C16orf92: variants seen among roughly 807,000 people sequenced by gnomAD.
The protein encoded by C16orf92 is fertilization-influencing membrane protein.
In C16orf92, 14 loss-of-function variants were observed where a neutral mutation model predicts 13.7. The ratio of observed to expected loss-of-function variants is 1.02; its 90% confidence interval spans 0.67 to 1.60. C16orf92 has a LOEUF of 1.60. C16orf92 is among the 40% of genes most tolerant of loss of function. C16orf92 has a pLI of 0.00. For missense variants in C16orf92, 116 were observed against 139.0 expected, an observed-to-expected ratio of 0.83 and a Z score of 0.83; for synonymous variants, 50 against 57.4, an observed-to-expected ratio of 0.87 and a Z score of 0.58.
downstream of C16orf92, chr16:30,024,908 CCCA>C: frequency 2.5e-6 from 1 of 403,202 alleles, no homozygotes; most frequent in Non-Finnish European, 4.4e-6. Context: ...GGTGTCCCTC[CCCA>C]CAAGCCCTCC....
chr16:30,025,295 G>C (rs1567294872), downstream of C16orf92: 7 of 1,554,300 alleles, frequency 4.5e-6, no homozygotes, highest in Non-Finnish European at 5.2e-6. This position sits in a 1 kb window ranked among gnomAD's most constrained non-coding sequence, Gnocchi z 4.1. Flanking sequence ...GAGCAGCGCA[G>C]CGCCCAGGTT....
In C16orf92 at chr16:30,023,395, A is replaced by G. The variant is rs765786841; in HGVS notation, c.55A>G (p.Ile19Val). Residue 19 changes from isoleucine (I) to valine (V), a missense_variant, in exon 1 of 4, where the codon ATA (isoleucine) becomes GTA (valine). Physicochemically the swap from Ile to Val is conservative, Grantham distance 29 (BLOSUM62 3). Coordinates refer to ENST00000681219, the MANE Select transcript of C16orf92 (RefSeq NM_001109659.2). ...VWVWLAALGA[I>V]ETAPRPKRAT... ...GGTGTGGCTGGCTGCACTAGGGGCC[A>G]TAGAAACTGGTAAGAAGCTGTCTTG... The G allele has an allele frequency of 4.3e-6, 7 of 1,611,456 alleles. No homozygotes were observed. Among genetic ancestry groups the G allele is most frequent in the Admixed American group, 1.7e-5 (1 of 59,552 alleles).
At chr16:30,026,766 T>C, downstream of C16orf92, 3 of 1,614,102 alleles carry the variant, frequency 1.9e-6, no homozygotes, top group Non-Finnish European at 2.5e-6. Context: ...CTTGTGCCAG[T>C]GACAGAGGAA....
At position 30,024,461 on chromosome 16, in the gene C16orf92, T is replaced by C. The variant is rs879506440; in HGVS notation, c.*234T>C. ...CGCAGATCGTCTTTTATTAGCGGTC[T>C]GTAAAGCACCTCCCAGGGTCCCCCG... is the stretch of plus-strand genomic sequence containing the variant. On this transcript the variant is annotated 3_prime_UTR_variant, in exon 4 of 4. Coordinates refer to ENST00000681219, the MANE Select transcript of C16orf92 (RefSeq NM_001109659.2). The C allele has an allele frequency of 1.2e-4, 75 of 609,756 alleles. No homozygotes were observed. Among genetic ancestry groups the C allele is most frequent in the Admixed American group, 2.4e-4 (8 of 32,912 alleles). The allele number at this position is 609,756 out of a possible 1,614,324, so 37.8% of individuals were successfully genotyped here. A position where few individuals can be genotyped will look rare whatever the true frequency, so the allele number is the denominator to read the frequency against.
chr16:30,027,013 T>C (rs1351561685), downstream of C16orf92: 5 of 699,586 alleles, frequency 7.1e-6, no homozygotes, highest in Non-Finnish European at 1.3e-5. Flanking sequence ...CACACAGTCA[T>C]GCAGCTAGTA....
At chr16:30,025,022 C>T, downstream of C16orf92, 1 of 557,628 alleles carries the variant, frequency 1.8e-6, no homozygotes, top group Non-Finnish European at 3.1e-6. This position sits in a 1 kb window ranked among gnomAD's most constrained non-coding sequence, Gnocchi z 4.1. Flanking sequence ...CTCTCCACCC[C>T]CTCAGTCCCC....
At position 30,024,618 on chromosome 16, in the gene C16orf92, G is replaced by A. The variant is rs1457573687; in HGVS notation, c.*391G>A. ...CCCCGGGGTTGTCAGCACTGGGAAG[G>A]CTTGGGGGTAGCAGCCACCTCCTTC... On this transcript the variant is annotated 3_prime_UTR_variant, in exon 4 of 4. Transcript: ENST00000681219. The A allele has an allele frequency of 1.2e-5, 3 of 260,868 alleles. No individual in the cohort carries two copies. Among genetic ancestry groups the A allele is most frequent in the Non-Finnish European group, 2.2e-5 (3 of 137,596 alleles). The allele number at this position is 260,868 out of a possible 1,614,324, so 16.2% of individuals were successfully genotyped here.
chr16:30,024,855 C>T (rs2071030206), downstream of C16orf92: 3 of 282,124 alleles, frequency 1.1e-5, no homozygotes, highest in South Asian at 1.0e-4. Flanking sequence ...TTGGCAGAGG[C>T]GTCTCCCCAC....
chr16:30,023,545 T>C, intron 1 of C16orf92, 141 bp downstream of exon 1: 1 of 1,397,882 alleles, frequency 7.2e-7, no homozygotes, highest in South Asian at 1.3e-5. Flanking sequence ...TGGTCCCACC[T>C]ACCCCCCAAC....
rs2150967869 is a variant in C16orf92, at chr16:30,023,853, T to C, written c.191T>C (p.Ile64Thr). The change falls in exon 2 of 4, where the codon ATT becomes ACT. Residue 64 changes from isoleucine (I) to threonine (T), a missense_variant. Coordinates refer to ENST00000681219, the MANE Select transcript of C16orf92 (RefSeq NM_001109659.2). ...AGGCTGCTGGCTGTGGCCCAGTTTATTGGAGAGAAACCCATCGTGTTCATT... is the reference window on the plus strand; with the variant it reads ...AGGCTGCTGGCTGTGGCCCAGTTTACTGGAGAGAAACCCATCGTGTTCATT... The part of the protein sequence containing the change: ...QARLLAVAQF[I>T]GEKPIVFINS... 6.2e-7 allele frequency: 1 copy of C among 1,613,988 alleles called. No individual in the cohort carries two copies. The highest frequency in any genetic ancestry group is 8.5e-7 in the Non-Finnish European group (1 of 1,179,840).
chr16:30,024,276 C>T lies in C16orf92; in HGVS notation c.*49C>T. 6.3e-7 allele frequency: 1 copy of T among 1,597,232 alleles called. No homozygotes were observed. Among genetic ancestry groups the T allele is most frequent in the Non-Finnish European group, 8.6e-7 (1 of 1,165,932 alleles). On this transcript the variant is annotated 3_prime_UTR_variant, in exon 4 of 4. Coordinates refer to ENST00000681219, the MANE Select transcript of C16orf92 (RefSeq NM_001109659.2). ...TCAACCTGAGCACCCACACCCACCT[C>T]CTCTCCTGTTGATGAGCAAAAGTTC...
Position 30,024,273 on chromosome 16 carries a change from C to T in C16orf92, c.*46C>T. The T allele has an allele frequency of 6.3e-7, 1 of 1,599,090 alleles. No individual in the cohort carries two copies. Among genetic ancestry groups the T allele is most frequent in the Non-Finnish European group, 8.6e-7 (1 of 1,167,664 alleles). ...GACTCAACCTGAGCACCCACACCCA[C>T]CTCCTCTCCTGTTGATGAGCAAAAG... On this transcript the variant is annotated 3_prime_UTR_variant, in exon 4 of 4. Coordinates refer to ENST00000681219, the MANE Select transcript of C16orf92 (RefSeq NM_001109659.2).
downstream of C16orf92, chr16:30,025,867 T>C: frequency 6.7e-7 from 1 of 1,497,098 alleles, no homozygotes; most frequent in Non-Finnish European, 9.3e-7. This position sits in a 1 kb window ranked among gnomAD's most constrained non-coding sequence, Gnocchi z 4.1. Context: ...TCTCCCTGGG[T>C]TCTTGGGCAG....
Position 30,024,287 on chromosome 16 carries a change from G to C in C16orf92, c.*60G>C, listed in dbSNP as rs2070987029. 1 of 1,578,340 alleles carries C rather than the reference G, an allele frequency of 6.3e-7. No homozygotes were observed. Among genetic ancestry groups the C allele is most frequent in the Non-Finnish European group, 8.7e-7 (1 of 1,150,686 alleles). ...ACCCACACCCACCTCCTCTCCTGTT[G>C]ATGAGCAAAAGTTCCCTGCTTTCCT... On this transcript the variant is annotated 3_prime_UTR_variant, in exon 4 of 4. Coordinates refer to ENST00000681219, the MANE Select transcript of C16orf92 (RefSeq NM_001109659.2).
chr16:30,024,098 C>T lies in C16orf92; in HGVS notation c.311+12C>T. The T allele has an allele frequency of 6.2e-7, 1 of 1,610,976 alleles. No homozygotes were observed. Among genetic ancestry groups the T allele is most frequent in the South Asian group, 1.1e-5 (1 of 91,006 alleles). ...TTCTGCACCCACATGTAAGGCCTGC[C>T]CCCTTTCTCCAACCCCACCCACCAC... is the stretch of plus-strand genomic sequence containing the variant. On this transcript the variant is annotated intron_variant, in intron 3 of 3. Transcript: ENST00000681219.
In C16orf92 at chr16:30,023,899, T is replaced by A; in HGVS notation, c.223+14T>A. Reference sequence around the variant, plus strand: ...TCATTAACTCAGGTATGAACCAGCTTGAGAAGGGACCTCCCTCCCCGCCAG... The same window carrying A: ...TCATTAACTCAGGTATGAACCAGCTAGAGAAGGGACCTCCCTCCCCGCCAG... On this transcript the variant is annotated intron_variant, in intron 2 of 3. Transcript: ENST00000681219. 6.2e-7 allele frequency: 1 copy of A among 1,605,666 alleles called. No individual in the cohort carries two copies. The highest frequency in any genetic ancestry group is 8.5e-7 in the Non-Finnish European group (1 of 1,172,316).
downstream of C16orf92, chr16:30,025,576 C>A (rs766451826): frequency 7.2e-6 from 11 of 1,526,156 alleles, no homozygotes; most frequent in Non-Finnish European, 1.0e-5. This position sits in a 1 kb window ranked among gnomAD's most constrained non-coding sequence, Gnocchi z 4.1. Flanking sequence ...AAACCAGACA[C>A]TTTGCCAGGA....
At chr16:30,026,898 T>C (rs1237720741), downstream of C16orf92, 12 of 1,478,740 alleles carry the variant, frequency 8.1e-6, no homozygotes, top group Non-Finnish European at 1.1e-5. Context: ...ACACCAGTGA[T>C]TGGGGTCAGA....
downstream of C16orf92, chr16:30,024,831 G>T (rs1426990887): frequency 7.1e-5 from 18 of 252,468 alleles, no homozygotes; most frequent in Non-Finnish European, 1.3e-4. Flanking sequence ...GGCAGCATAG[G>T]GGCTGGGATG....
Sources: allele counts gnomAD v4.1 joint callset, GRCh38; gene constraint gnomAD v4.1.1; non-coding constraint Gnocchi (gnomAD v3.1); transcripts MANE v1.5; gene names NCBI Gene and HGNC (gene_info 2026-07-23, HGNC 2026-07-21).